TNFSF9: variants seen among roughly 807,000 people sequenced by gnomAD.
TNFSF9 encodes the protein tumor necrosis factor ligand superfamily member 9.
TNFSF9 carries 10 observed loss-of-function variants against 10.3 expected under a neutral mutation model. That is an observed-to-expected ratio of 0.97 (90% CI 0.60 to 1.65). TNFSF9 has a LOEUF of 1.65. Among genes scored for constraint, TNFSF9 ranks in the 40% most tolerant of loss-of-function variants. The probability of loss-of-function intolerance (pLI) is 0.00; values close to 1 mark genes in which losing one functional copy is unlikely to be tolerated. For missense variants in TNFSF9, 361 were observed against 348.9 expected, an observed-to-expected ratio of 1.03 and a Z score of -0.28; for synonymous variants, 195 against 176.1, an observed-to-expected ratio of 1.11 and a Z score of -0.85.
At chr19:6,533,248 C>T (rs1915186338) in intron 2 of TNFSF9, among the ~76,000 whole-genome samples, 2 of 148,546 alleles carry the variant, frequency 1.3e-5, no homozygotes, top group Non-Finnish European at 1.5e-5. Flanking sequence ...CCATTCTCTT[C>T]CCCATCCCCA....
chr19:6,531,208 G>T lies in TNFSF9; in HGVS notation c.172G>T (p.Ala58Ser), dbSNP rs199791725. 909 of 1,543,822 alleles carry T rather than the reference G, an allele frequency of 5.9e-4. 10 individuals carry two copies. Among genetic ancestry groups the T allele is most frequent in the Non-Finnish European group, 1.1e-4 (129 of 1,148,602 alleles). The change falls in exon 1 of 3, where the codon GCT (alanine) becomes TCT (serine). Residue 58 changes from alanine (A) to serine (S), a missense_variant. Transcript: ENST00000245817. Reference sequence around the variant, plus strand: ...CGCCTGCCCCTGGGCCGTGTCCGGGGCTCGCGCCTCGCCCGGCTCCGCGGC... The same window carrying T: ...CGCCTGCCCCTGGGCCGTGTCCGGGTCTCGCGCCTCGCCCGGCTCCGCGGC... ...FLACPWAVSG[A>S]RASPGSAASP...
chr19:6,534,426 A>G (rs865781751), intron 2 of TNFSF9, among the ~76,000 whole-genome samples, 174 bp from the exon 3 acceptor site: 7 of 9,520 alleles, frequency 7.4e-4, no homozygotes, highest in African/African-American at 2.5e-3. Context: ...CGCCCCCCCC[A>G]CCCAGGCTCC....
chr19:6,531,847 G>T (rs1360452781), intron 1 of TNFSF9, among the ~76,000 whole-genome samples: 2 of 152,012 alleles, frequency 1.3e-5, no homozygotes, highest in East Asian at 3.9e-4. Flanking sequence ...TTCCCTCCAT[G>T]TGGCAGTGGG....
intron 2 of TNFSF9, among the ~76,000 whole-genome samples, chr19:6,533,536 CTCCAAAGACCCCTTCCCCCTTCCT>C: frequency 3.3e-5 from 1 of 30,018 alleles, no homozygotes; most frequent in Non-Finnish European, 6.9e-5. Flanking sequence ...CCCCTTCCCC[CTCCAAAGACCCCTTCCCCCTTCCT>C]TCCCCCTCCA....
chr19:6,532,747 G>T, intron 1 of TNFSF9, 39 bp from the exon 2 acceptor site: 1 of 1,613,598 alleles, frequency 6.2e-7, no homozygotes, highest in Non-Finnish European at 8.5e-7. Context: ...ATTTTCTAGG[G>T]GAACCCCCAT....
chr19:6,531,432 AC>A, intron 1 of TNFSF9, 129 bp downstream of exon 1: 1 of 1,273,348 alleles, frequency 7.9e-7, no homozygotes, highest in Non-Finnish European at 1.0e-6. Flanking sequence ...GAGGAGACCC[AC>A]CGGGGCTCCC....
chr19:6,531,174 C>G lies in TNFSF9; in HGVS notation c.138C>G (p.Ala46=). 4 of 1,590,938 alleles carry G rather than the reference C, an allele frequency of 2.5e-6. No homozygotes were observed. Among genetic ancestry groups the G allele is most frequent in the South Asian group, 1.1e-5 (1 of 89,470 alleles). ...LLLLLLAAAC[A]VFLACPWAVS... ...TGCTGCTGCTCGCTGCCGCCTGCGC[C>G]GTCTTCCTCGCCTGCCCCTGGGCCG... is the stretch of plus-strand genomic sequence containing the variant. Residue 46 remains alanine, a synonymous_variant, in exon 1 of 3, where the codon GCC becomes GCG. Coordinates refer to ENST00000245817, the MANE Select transcript of TNFSF9 (RefSeq NM_003811.4).
At position 6,535,166 on chromosome 19, in the gene TNFSF9, A is replaced by C; in HGVS notation, c.*100A>C. On this transcript the variant is annotated 3_prime_UTR_variant, in exon 3 of 3. Transcript: ENST00000245817. ...GGTCCCTGCTGCTTTCTCTACCTCA[A>C]GGGGCTTGGCAGGGGTCCCTGCTGC... 1 of 1,320,234 alleles carries C rather than the reference A, an allele frequency of 7.6e-7. No homozygotes were observed. The highest frequency in any genetic ancestry group is 1.0e-6 in the Non-Finnish European group (1 of 1,001,142). The allele number at this position is 1,320,234 out of a possible 1,614,324, so 81.8% of individuals were successfully genotyped here. A position where few individuals can be genotyped will look rare whatever the true frequency, so the allele number is the denominator to read the frequency against.
At position 6,534,815 on chromosome 19, in the gene TNFSF9, T is replaced by A; in HGVS notation, c.514T>A (p.Ser172Thr). The change falls in exon 3 of 3, where the codon TCT becomes ACT. Residue 172 changes from serine (S) to threonine (T), a missense_variant. Physicochemically the swap from Ser to Thr is moderately conservative, Grantham distance 58 (BLOSUM62 1). Transcript: ENST00000245817. ...SLALHLQPLR[S>T]AAGAAALALT... ...TGCGCTGCACCTGCAGCCACTGCGC[T>A]CTGCTGCTGGGGCCGCCGCCCTGGC... 1 of 1,604,106 alleles carries A rather than the reference T, an allele frequency of 6.2e-7. No homozygotes were observed.
At chr19:6,531,366 C>T in intron 1 of TNFSF9, 63 bp downstream of exon 1, 1 of 1,385,614 alleles carries the variant, frequency 7.2e-7, no homozygotes, top group Middle Eastern at 2.7e-4. Flanking sequence ...CCCTCTGGGA[C>T]TCCCTTCTCC....
In TNFSF9 at chr19:6,535,566, C is replaced by T. The variant is rs1168215703; in HGVS notation, c.*500C>T. On this transcript the variant is annotated 3_prime_UTR_variant, in exon 3 of 3. Coordinates refer to ENST00000245817, the MANE Select transcript of TNFSF9 (RefSeq NM_003811.4). ...GGCTATAGAAACATCTAGAAATAGA[C>T]TGAAAGAAAATCTGAGTTATGGTAA... The T allele has an allele frequency of 6.6e-6, 1 of 152,160 alleles. No homozygotes were observed. Among genetic ancestry groups the T allele is most frequent in the Non-Finnish European group, 1.5e-5 (1 of 68,040 alleles). 9.4% of individuals were successfully genotyped at this position (152,160 alleles called of 1,614,324 possible).
chr19:6,534,132 C>A (rs1001783074), intron 2 of TNFSF9, among the ~76,000 whole-genome samples: 1 of 146,356 alleles, frequency 6.8e-6, no homozygotes, highest in African/African-American at 2.5e-5. Context: ...ACCCCCTCAC[C>A]GCCCTCTCCA....
intron 1 of TNFSF9, among the ~76,000 whole-genome samples, chr19:6,531,657 C>A (rs1303117351): frequency 6.6e-6 from 1 of 152,046 alleles, no homozygotes; most frequent in African/African-American, 2.4e-5. Flanking sequence ...GGAGAGGAGA[C>A]CCCCACAAGT....
intron 1 of TNFSF9, among the ~76,000 whole-genome samples, chr19:6,532,339 G>A (rs190585134): frequency 4.7e-5 from 7 of 150,420 alleles, no homozygotes; most frequent in South Asian, 2.1e-4. Flanking sequence ...GTGTGTGTTC[G>A]TGTGGGGGTG....
Position 6,531,137 on chromosome 19 carries a change from GGCTGCTGCT to G in TNFSF9, c.114_122del (p.Leu39_Leu41del), listed in dbSNP as rs564151103. On this transcript the variant is annotated inframe_deletion, in exon 1 of 3. Coordinates refer to ENST00000245817, the MANE Select transcript of TNFSF9 (RefSeq NM_003811.4). The stretch of plus-strand genomic sequence containing the variant: ...GTACTGCCTTGGGCCCTGGTCGCGG[GGCTGCTGCT>G]GCTGCTGCTGCTCGCTGCCGCCTGC... 9 of 1,605,166 alleles carry G rather than the reference GGCTGCTGCT, an allele frequency of 5.6e-6. No homozygotes were observed. The highest frequency in any genetic ancestry group is 1.4e-5 in the African/African-American group (1 of 73,894).
Position 6,531,222 on chromosome 19 carries a change from C to T in TNFSF9, c.186C>T (p.Pro62=). 1.3e-6 allele frequency: 2 copies of T among 1,533,558 alleles called. No homozygotes were observed. The highest frequency in any genetic ancestry group is 1.2e-5 in the South Asian group (1 of 81,860). 95.0% of individuals were successfully genotyped at this position (1,533,558 alleles called of 1,614,324 possible). The change falls in exon 1 of 3, where the codon CCC becomes CCT. Residue 62 remains proline, a synonymous_variant. Transcript: ENST00000245817. ...PWAVSGARAS[P]GSAASPRLRE... is the part of the protein sequence containing the mutation. ...CCGTGTCCGGGGCTCGCGCCTCGCC[C>T]GGCTCCGCGGCCAGCCCGAGACTCC... is the stretch of plus-strand genomic sequence containing the variant.
rs769544194 is a variant in TNFSF9, at chr19:6,531,198, C to G, written c.162C>G (p.Ala54=). The G allele has an allele frequency of 9.0e-6, 14 of 1,562,056 alleles. No homozygotes were observed. Among genetic ancestry groups the G allele is most frequent in the South Asian group, 2.3e-5 (2 of 85,746 alleles). The change falls in exon 1 of 3, where the codon GCC becomes GCG. Residue 54 remains alanine, a synonymous_variant. Coordinates refer to ENST00000245817, the MANE Select transcript of TNFSF9 (RefSeq NM_003811.4). ...ACAVFLACPW[A]VSGARASPGS... Reference sequence around the variant, plus strand: ...CCGTCTTCCTCGCCTGCCCCTGGGCCGTGTCCGGGGCTCGCGCCTCGCCCG... The same window carrying G: ...CCGTCTTCCTCGCCTGCCCCTGGGCGGTGTCCGGGGCTCGCGCCTCGCCCG...
Position 6,531,181 on chromosome 19 carries a change from C to A in TNFSF9, c.145C>A (p.Leu49Ile), listed in dbSNP as rs926013941. ...LLLAAACAVF[L>I]ACPWAVSGAR... ...GCTCGCTGCCGCCTGCGCCGTCTTC[C>A]TCGCCTGCCCCTGGGCCGTGTCCGG... is the stretch of plus-strand genomic sequence containing the variant. Residue 49 changes from leucine (L) to isoleucine (I), a missense_variant, in exon 1 of 3, where the codon CTC (leucine) becomes ATC (isoleucine). Coordinates refer to ENST00000245817, the MANE Select transcript of TNFSF9 (RefSeq NM_003811.4). 9.5e-6 allele frequency: 15 copies of A among 1,587,250 alleles called. No individual in the cohort carries two copies. Among genetic ancestry groups the A allele is most frequent in the Admixed American group, 3.5e-5 (2 of 56,508 alleles).
intron 2 of TNFSF9, among the ~76,000 whole-genome samples, chr19:6,534,372 C>T (rs1309476137): frequency 6.7e-6 from 1 of 149,158 alleles, no homozygotes; most frequent in East Asian, 2.0e-4. Context: ...GCTCAGAGTC[C>T]CGCCCCCAAC....
Sources: allele counts gnomAD v4.1 joint callset (sites outside exome capture counted in the v4.1 genomes callset), GRCh38; gene constraint gnomAD v4.1.1; transcripts MANE v1.5; gene names NCBI Gene and HGNC (gene_info 2026-07-23, HGNC 2026-07-21).